The following ARAP1 variants were observed in gnomAD, a reference collection of about 807,000 sequenced individuals.
ARAP1 encodes arf-GAP with Rho-GAP domain, ANK repeat and PH domain-containing protein 1.
In ARAP1, 76 loss-of-function variants were observed where a neutral mutation model predicts 172.2. That is an observed-to-expected ratio of 0.44 (90% confidence interval 0.37 to 0.53). The LOEUF (loss-of-function observed/expected upper bound fraction) is 0.53. ARAP1 is among the 20% of genes least tolerant of loss of function. The pLI is 0.00. For synonymous variants in ARAP1, 804 were observed against 803.3 expected (o/e 1.00, Z -0.01); for missense variants, 1,686 against 1,977.5 (o/e 0.85, Z 2.80).
intron 2 of ARAP1, among the ~76,000 whole-genome samples, chr11:72,727,662 T>G (rs995413717): frequency 6.6e-6 from 1 of 152,156 alleles, no homozygotes; most frequent in Non-Finnish European, 1.5e-5. Flanking sequence ...GCAAGCCCAG[T>G]CTGGGAGCCG....
Position 72,726,222 on chromosome 11 carries a change from C to T in ARAP1, c.509+398G>A, listed in dbSNP as rs1005043196. ...CTACCCCGCAGCTTTCCGTTTCCTA[C>T]ACATGTTGCCTCTTGATGCCGGCAT... On this transcript the variant is annotated intron_variant, in intron 3 of 34. Transcript: ENST00000393609. This position sits in a 1 kb window ranked among gnomAD's most constrained non-coding sequence, Gnocchi z 6.5. 2.0e-5 allele frequency among the ~76,000 whole-genome samples: 3 copies of T among 152,110 alleles called. No individual in the cohort carries two copies. The highest frequency in any genetic ancestry group is 4.4e-5 in the Non-Finnish European group (3 of 68,008).
intron 13 of ARAP1, 35 bp downstream of exon 13, chr11:72,705,770 C>G: frequency 6.2e-7 from 1 of 1,612,006 alleles, no homozygotes; most frequent in Non-Finnish European, 8.5e-7. Context: ...ATGGGGCAGA[C>G]CCCAAGTATC....
chr11:72,721,890 AGCTCCGGCCAGGCGG>A, intron 3 of ARAP1: 1 of 985,780 alleles, frequency 1.0e-6, no homozygotes, highest in Non-Finnish European at 1.2e-6. Flanking sequence ...GGACTCCCAC[AGCTCCGGCCAGGCGG>A]GCTGCGTATG....
Position 72,711,015 on chromosome 11 carries a change from C to T in ARAP1, c.1213+6G>A. 2 of 1,614,220 alleles carry T rather than the reference C, an allele frequency of 1.2e-6. No individual in the cohort carries two copies. The highest frequency in any genetic ancestry group is 1.7e-6 in the Non-Finnish European group (2 of 1,180,040). Reference sequence around the variant, plus strand: ...ACACACACACACAACACCCCACACTCCCCACCATCACTCTCTGCCCGGAAG... The same window carrying T: ...ACACACACACACAACACCCCACACTTCCCACCATCACTCTCTGCCCGGAAG... On this transcript the variant is annotated splice_donor_region_variant and intron_variant, in intron 9 of 34. Coordinates refer to ENST00000393609, the MANE Select transcript of ARAP1 (RefSeq NM_001040118.3).
At chr11:72,697,234 A>G (rs1856244751) in intron 21 of ARAP1, 39 bp from the exon 22 acceptor site, 1 of 1,578,808 alleles carries the variant, frequency 6.3e-7, no homozygotes, top group South Asian at 1.1e-5. Context: ...GGCCTGAGGC[A>G]TAGAGTCATG....
Position 72,697,460 on chromosome 11 carries a change from C to A in ARAP1, c.2816G>T (p.Arg939Leu). 3 of 1,613,410 alleles carry A rather than the reference C, an allele frequency of 1.9e-6. No homozygotes were observed. Among genetic ancestry groups the A allele is most frequent in the Non-Finnish European group, 2.5e-6 (3 of 1,179,890 alleles). Residue 939 changes from arginine to leucine, a missense_variant, in exon 21 of 35, where the codon CGG (arginine) becomes CTG (leucine). Transcript: ENST00000393609. ...CCCCAGCCAACCCATGAAGTCCAGCCGCCGCTCGCCCTGTATGTACAGTGT... is the reference window on the plus strand; with the variant it reads ...CCCCAGCCAACCCATGAAGTCCAGCAGCCGCTCGCCCTGTATGTACAGTGT... ...RRTLYIQGER[R>L]LDFMGWLGAI...
chr11:72,706,051 C>T (rs1378915151), intron 12 of ARAP1, among the ~76,000 whole-genome samples, 161 bp from the exon 13 acceptor site: 1 of 152,182 alleles, frequency 6.6e-6, no homozygotes, highest in Non-Finnish European at 1.5e-5. Context: ...TGTACTCTTG[C>T]TCCCCACAGG....
chr11:72,693,598 G>A lies in ARAP1; in HGVS notation c.3808+94C>T. On this transcript the variant is annotated intron_variant, in intron 28 of 34. Coordinates refer to ENST00000393609, the MANE Select transcript of ARAP1 (RefSeq NM_001040118.3). This position sits in a 1 kb window ranked among gnomAD's most constrained non-coding sequence, Gnocchi z 4.6. The stretch of plus-strand genomic sequence containing the variant: ...GAGGCCCACCCACTTGGCGCCCTCT[G>A]TCTGAGCTGTTCCTACCTGGCACCA... The A allele has an allele frequency of 2.6e-6, 4 of 1,531,762 alleles. No individual in the cohort carries two copies. Among genetic ancestry groups the A allele is most frequent in the Non-Finnish European group, 3.5e-6 (4 of 1,133,514 alleles). 94.9% of individuals were successfully genotyped at this position (1,531,762 alleles called of 1,614,324 possible).
chr11:72,709,904 T>C lies in ARAP1; in HGVS notation c.1489A>G (p.Ser497Gly), dbSNP rs1856933281. Residue 497 changes from serine (S) to glycine (G), a missense_variant, in exon 11 of 35, where the codon AGC becomes GGC. Ser to Gly is a moderately conservative substitution (Grantham distance 56, BLOSUM62 0). Coordinates refer to ENST00000393609, the MANE Select transcript of ARAP1 (RefSeq NM_001040118.3). ...VGNVKEVDRR[S>G]FDLTTPYRIF... ...CGGTAGGGCGTGGTGAGGTCGAAGC[T>C]GCGCCGGTCCACTTCCTTCACGTTG... 6.2e-7 allele frequency: 1 copy of C among 1,614,012 alleles called. No homozygotes were observed. The highest frequency in any genetic ancestry group is 1.1e-5 in the South Asian group (1 of 91,084).
intron 1 of ARAP1, among the ~76,000 whole-genome samples, chr11:72,735,936 T>C (rs956575429): frequency 1.3e-5 from 2 of 152,066 alleles, no homozygotes; most frequent in Non-Finnish European, 2.9e-5. Context: ...TCAGATACCA[T>C]CAACCAGTGA....
In ARAP1 at chr11:72,690,955, T is replaced by C. The variant is rs76105050; in HGVS notation, c.3987+1798A>G. Among the ~76,000 whole-genome samples the C allele has an allele frequency of 1.3e-3, 192 of 152,348 alleles. 1 individual carries two copies. In the East Asian group the frequency reaches 0.028, roughly 22 times the overall value. On this transcript the variant is annotated intron_variant, in intron 30 of 34. Transcript: ENST00000393609. Reference sequence around the variant, plus strand: ...ATAAACCAACAAATGCCAGAGTTGATAACCCCGTGGTAACCAGCTCACATC... The same window carrying C: ...ATAAACCAACAAATGCCAGAGTTGACAACCCCGTGGTAACCAGCTCACATC...
intron 12 of ARAP1, among the ~76,000 whole-genome samples, chr11:72,706,151 C>T (rs1856751175): frequency 6.6e-6 from 1 of 152,214 alleles, no homozygotes; most frequent in Non-Finnish European, 1.5e-5. Context: ...TCTTGCAGGC[C>T]ACTCTTAACA....
At position 72,699,158 on chromosome 11, in the gene ARAP1, A is replaced by C. The variant is rs1591184115; in HGVS notation, c.2439-51T>G. On this transcript the variant is annotated intron_variant, in intron 17 of 34. Coordinates refer to ENST00000393609, the MANE Select transcript of ARAP1 (RefSeq NM_001040118.3). The surrounding 1 kb of genome is among the most constrained non-coding windows in gnomAD (Gnocchi z 4.2). ...GGCCCACCTCATCCAGCACGGGCCC[A>C]CCCCCAACCCGCACCATCAACCGCC... 1 of 1,582,628 alleles carries C rather than the reference A, an allele frequency of 6.3e-7. No homozygotes were observed. Among genetic ancestry groups the C allele is most frequent in the Middle Eastern group, 1.7e-4 (1 of 5,984 alleles).
At chr11:72,740,001 G>A (rs561818513) in intron 1 of ARAP1, among the ~76,000 whole-genome samples, 1 of 152,314 alleles carries the variant, frequency 6.6e-6, no homozygotes, top group South Asian at 2.1e-4. Flanking sequence ...GCTCCCCTTG[G>A]GGACTGTGGG....
rs902550014 is a variant in ARAP1 at position 72,745,182 on chromosome 11, C to CTTTTT, written c.-128+7141_-128+7145dup. ...CCCACACAGCAGCCCAAGTTTCTTT[C>CTTTTT]TTTTTTTTTTTTTTTTTTTTTTTTG... On this transcript the variant is annotated intron_variant, in intron 1 of 34. Transcript: ENST00000393609. Among the ~76,000 whole-genome samples the CTTTTT allele has an allele frequency of 6.7e-3, 592 of 88,272 alleles. 2 individuals are homozygous for CTTTTT. Among genetic ancestry groups the CTTTTT allele is most frequent in the African/African-American group, 8.4e-3 (171 of 20,382 alleles). 57.9% of individuals were successfully genotyped at this position (88,272 alleles called of 152,430 possible). A position where few individuals can be genotyped will look rare whatever the true frequency, so the allele number is the denominator to read the frequency against.
chr11:72,736,972 G>A (rs1280265342), intron 1 of ARAP1, among the ~76,000 whole-genome samples: 1 of 152,192 alleles, frequency 6.6e-6, no homozygotes, highest in Non-Finnish European at 1.5e-5. Flanking sequence ...AGCCCCCAAA[G>A]TTGTCTGCTG....
rs753739641 is a variant in ARAP1, at chr11:72,707,280, G to A, written c.1618C>T (p.Arg540Cys). Reference protein sequence around the residue: ...EALSTSEVAERIWAAAPNRFC... With the variant: ...EALSTSEVAECIWAAAPNRFC... ...CTGTTGGGGGCTGCAGCCCAGATGC[G>A]CTCGGCCACCTCCGAGGTAGACAGG... Residue 540 changes from arginine to cysteine, a missense_variant, in exon 12 of 35, where the codon CGC (arginine) becomes TGC (cysteine). Coordinates refer to ENST00000393609, the MANE Select transcript of ARAP1 (RefSeq NM_001040118.3). 4.3e-6 allele frequency: 7 copies of A among 1,613,398 alleles called. No homozygotes were observed. In the South Asian group the frequency reaches 5.5e-5, roughly 13 times the overall value.
chr11:72,722,246 T>C, intron 3 of ARAP1: 1 of 985,680 alleles, frequency 1.0e-6, no homozygotes, highest in Non-Finnish European at 1.2e-6. Flanking sequence ...TGTGTGTGTG[T>C]ATGTCTGCAC....
chr11:72,705,904 G>A lies in ARAP1; in HGVS notation c.1724-14C>T, dbSNP rs780634081. On this transcript the variant is annotated splice_polypyrimidine_tract_variant and intron_variant, in intron 12 of 34. Coordinates refer to ENST00000393609, the MANE Select transcript of ARAP1 (RefSeq NM_001040118.3). ...CACGGTGCTCCCCTGTAGACACAGG[G>A]CCAGACCCAGAATCACCTGGGCCCC... 3 of 1,613,332 alleles carry A rather than the reference G, an allele frequency of 1.9e-6. No homozygotes were observed. Among genetic ancestry groups the A allele is most frequent in the Non-Finnish European group, 2.5e-6 (3 of 1,179,600 alleles).
Sources: gnomAD v4.1 joint callset for allele counts (sites outside exome capture counted in the v4.1 genomes callset) on GRCh38, gnomAD v4.1.1 for gene constraint, Gnocchi (gnomAD v3.1) non-coding constraint, MANE v1.5 for transcripts, NCBI Gene and HGNC (gene_info 2026-07-23, HGNC 2026-07-21) for gene names.